The following RBMS1 variants were observed in gnomAD, a reference collection of about 807,000 sequenced individuals.
RBMS1 encodes RNA-binding motif, single-stranded-interacting protein 1.
Under a neutral mutation model 62.3 loss-of-function variants are expected in RBMS1, and 17 were observed. The observed-to-expected ratio is 0.27, with a 90% CI of 0.19 to 0.41. RBMS1 has a LOEUF of 0.41. Among genes scored for constraint, RBMS1 ranks in the 10% least tolerant of loss-of-function variants. The pLI, the probability that RBMS1 is intolerant of heterozygous loss-of-function variation, is 1.00. For missense variants in RBMS1, 334 were observed against 504.5 expected, an observed-to-expected ratio of 0.66 and a Z score of 3.24; for synonymous variants, 172 against 170.0, an observed-to-expected ratio of 1.01 and a Z score of -0.09.
At position 160,422,333 on chromosome 2, in the gene RBMS1, C is replaced by T. The variant is rs572388087; in HGVS notation, c.76-54942G>A. On this transcript the variant is annotated intron_variant, in intron 1 of 13. Coordinates refer to ENST00000348849, the MANE Select transcript of RBMS1 (RefSeq NM_016836.4). ...CAGTTCCACTTCAAGAAAACCTACA[C>T]ATCCACTTTCTTTCATTGACTGACA... Among the ~76,000 whole-genome samples the T allele has an allele frequency of 5.7e-4, 87 of 152,200 alleles. No individual in the cohort carries two copies. In the South Asian group the frequency reaches 7.3e-3, roughly 13 times the overall value.
At chr2:160,484,496 CACA>C (rs757445379) in intron 1 of RBMS1, among the ~76,000 whole-genome samples, 15 of 149,086 alleles carry the variant, frequency 1.0e-4, no homozygotes, top group African/African-American at 2.2e-4. Flanking sequence ...GAGACTCCGT[CACA>C]ACAACAACAA....
chr2:160,477,866 A>G (rs1301270678), intron 1 of RBMS1, among the ~76,000 whole-genome samples: 4 of 152,224 alleles, frequency 2.6e-5, no homozygotes, highest in African/African-American at 9.6e-5. Context: ...ATCTTTCACC[A>G]TTGAAAATTA....
intron 2 of RBMS1, among the ~76,000 whole-genome samples, chr2:160,318,885 CAT>C (rs1415988218): frequency 2.6e-5 from 4 of 152,106 alleles, no homozygotes; most frequent in Non-Finnish European, 4.4e-5. Flanking sequence ...TGTGCATGCA[CAT>C]GTGTCTAAGA....
intron 2 of RBMS1, among the ~76,000 whole-genome samples, chr2:160,342,901 G>A (rs2105996498): frequency 6.6e-6 from 1 of 152,098 alleles, no homozygotes; most frequent in African/African-American, 2.4e-5. Flanking sequence ...TCATGCCATC[G>A]CATTCCAGCC....
intron 6 of RBMS1, among the ~76,000 whole-genome samples, chr2:160,289,047 T>C (rs1188875684): frequency 6.6e-6 from 1 of 152,112 alleles, no homozygotes; most frequent in Non-Finnish European, 1.5e-5. Flanking sequence ...AATGACCAAG[T>C]GTCCCCATCT....
At chr2:160,278,124 T>G in intron 11 of RBMS1, 1 of 190,400 alleles carries the variant, frequency 5.3e-6, no homozygotes, top group Non-Finnish European at 1.1e-5. Flanking sequence ...CCCCTGGACT[T>G]TGGTGAAATA....
At chr2:160,287,891 T>C (rs1688485862) in intron 6 of RBMS1, among the ~76,000 whole-genome samples, 1 of 151,184 alleles carries the variant, frequency 6.6e-6, no homozygotes, top group South Asian at 2.1e-4. Context: ...TATACCACTA[T>C]ATATAGATCT....
intron 2 of RBMS1, among the ~76,000 whole-genome samples, chr2:160,343,374 G>C (rs1252239419): frequency 6.6e-6 from 1 of 152,134 alleles, no homozygotes; most frequent in East Asian, 1.9e-4. Flanking sequence ...ACTGATTTTA[G>C]TTAGCAATAC....
chr2:160,412,817 A>G (rs1313940033), intron 1 of RBMS1, among the ~76,000 whole-genome samples: 1 of 152,262 alleles, frequency 6.6e-6, no homozygotes, highest in Non-Finnish European at 1.5e-5. Context: ...ATAGAAGGCT[A>G]GCATGAGGGA....
At chr2:160,367,924 T>C (rs1349626303) in intron 1 of RBMS1, among the ~76,000 whole-genome samples, 1 of 152,162 alleles carries the variant, frequency 6.6e-6, no homozygotes. Context: ...TTGAGACATC[T>C]GGGTAAGATT....
intron 2 of RBMS1, among the ~76,000 whole-genome samples, chr2:160,318,934 G>T (rs1690388399): frequency 6.6e-6 from 1 of 152,080 alleles, no homozygotes; most frequent in African/African-American, 2.4e-5. Flanking sequence ...AAGAATATAA[G>T]AATTAATCAG....
At chr2:160,440,646 T>C (rs1476462230) in intron 1 of RBMS1, among the ~76,000 whole-genome samples, 4 of 152,192 alleles carry the variant, frequency 2.6e-5, no homozygotes, top group Admixed American at 1.3e-4. Context: ...AGTGGAAATA[T>C]ACAGTACTTT....
chr2:160,438,994 G>T (rs547495045), intron 1 of RBMS1, among the ~76,000 whole-genome samples: 16 of 147,426 alleles, frequency 1.1e-4, no homozygotes, highest in Non-Finnish European at 1.5e-4. Context: ...CCTCCCGGAC[G>T]GGGCGGCTGG....
intron 1 of RBMS1, among the ~76,000 whole-genome samples, chr2:160,475,294 G>A (rs541804857): frequency 6.6e-6 from 1 of 152,144 alleles, no homozygotes; most frequent in Non-Finnish European, 1.5e-5. Flanking sequence ...TGTGACCTGG[G>A]GGCCGACCAC....
At chr2:160,313,357 T>G in intron 3 of RBMS1, 110 bp from the exon 4 acceptor site, 1 of 1,040,134 alleles carries the variant, frequency 9.6e-7, no homozygotes, top group Non-Finnish European at 1.4e-6. Flanking sequence ...CATGAAAATG[T>G]CCTGAGGGAG....
At chr2:160,449,199 A>G (rs1435376441) in intron 1 of RBMS1, among the ~76,000 whole-genome samples, 2 of 138,382 alleles carry the variant, frequency 1.4e-5, no homozygotes, top group African/African-American at 2.8e-5. Flanking sequence ...TCCAGGAGGG[A>G]GGTGGGGGGC....
At chr2:160,307,307 G>A (rs1689586299) in intron 4 of RBMS1, among the ~76,000 whole-genome samples, 1 of 146,336 alleles carries the variant, frequency 6.8e-6, no homozygotes, top group Non-Finnish European at 1.5e-5. Flanking sequence ...GCATGGTGAA[G>A]CTCTGGATGG....
At chr2:160,376,411 A>G (rs942195615) in intron 1 of RBMS1, among the ~76,000 whole-genome samples, 4 of 152,192 alleles carry the variant, frequency 2.6e-5, no homozygotes, top group Admixed American at 6.5e-5. Flanking sequence ...TAACTTAAAA[A>G]CATAAAATCT....
intron 2 of RBMS1, among the ~76,000 whole-genome samples, chr2:160,338,762 A>C (rs960468748): frequency 2.0e-5 from 3 of 152,352 alleles, no homozygotes; most frequent in African/African-American, 7.2e-5. Flanking sequence ...AGTTCAAAAA[A>C]GAAAAGGTAG....
Sources: gnomAD v4.1 joint callset for allele counts (sites outside exome capture counted in the v4.1 genomes callset) on GRCh38, gnomAD v4.1.1 for gene constraint, MANE v1.5 for transcripts, NCBI Gene and HGNC (gene_info 2026-07-23, HGNC 2026-07-21) for gene names.